RIMS1: variants seen among roughly 807,000 people sequenced by gnomAD.
RIMS1 encodes regulating synaptic membrane exocytosis 1, also known as regulating synaptic membrane exocytosis protein 1.
In RIMS1, 83 loss-of-function variants were observed where a neutral mutation model predicts 214.1. The observed-to-expected ratio is 0.39, with a 90% CI of 0.32 to 0.47. The LOEUF (loss-of-function observed/expected upper bound fraction) is 0.47. RIMS1 is among the 20% of genes least tolerant of loss of function. RIMS1 has a pLI of 0.99. For missense variants in RIMS1, 2,050 were observed against 2,161.8 expected, an observed-to-expected ratio of 0.95 and a Z score of 1.03; for synonymous variants, 793 against 786.8, an observed-to-expected ratio of 1.01 and a Z score of -0.13.
At chr6:72,178,526 GAGT>G (rs2048021179) in intron 4 of RIMS1, among the ~76,000 whole-genome samples, 1 of 152,186 alleles carries the variant, frequency 6.6e-6, no homozygotes, top group Non-Finnish European at 1.5e-5. Context: ...AGGAAGCCTA[GAGT>G]TTGGTAATTA....
intron 2 of RIMS1, among the ~76,000 whole-genome samples, chr6:72,021,806 G>A (rs1205250792): frequency 6.6e-6 from 1 of 152,092 alleles, no homozygotes; most frequent in Non-Finnish European, 1.5e-5. Flanking sequence ...GTGGCTGCTG[G>A]TATACAGATA....
intron 1 of RIMS1, among the ~76,000 whole-genome samples, chr6:71,956,795 C>T (rs1042636427): frequency 5.9e-5 from 9 of 152,076 alleles, no homozygotes; most frequent in Non-Finnish European, 1.2e-4. Context: ...CATCTCGTTG[C>T]GCGAATGAAT....
chr6:71,934,072 C>G (rs1783858660), intron 1 of RIMS1, among the ~76,000 whole-genome samples: 1 of 152,136 alleles, frequency 6.6e-6, no homozygotes, highest in South Asian at 2.1e-4. Context: ...TTTAAGTTCT[C>G]TCTCAACCCT....
At chr6:71,975,927 C>T (rs1416111388) in intron 2 of RIMS1, among the ~76,000 whole-genome samples, 1 of 152,010 alleles carries the variant, frequency 6.6e-6, no homozygotes, top group East Asian at 1.9e-4. Context: ...ATTGTATCGA[C>T]ATATCAGGTT....
chr6:72,182,466 A>G lies in RIMS1; in HGVS notation c.995A>G (p.Glu332Gly), dbSNP rs2048524148. The change falls in exon 6 of 34, where the codon GAA becomes GGA. Residue 332 changes from glutamate to glycine, a missense_variant. By Grantham distance (98) the Glu-to-Gly change is moderately conservative (BLOSUM62 -2). This residue lies in a region of RIMS1 where 882 missense variants were observed against 828.9 expected (regional missense o/e 1.06). Transcript: ENST00000521978. Reference protein sequence around the residue: ...GRSQDYPDTPEKRDEGKAADE... With the variant: ...GRSQDYPDTPGKRDEGKAADE... ...TCACAGGATTACCCAGACACGCCGG[A>G]AAAACGGGATGAGGGCAAAGCGGCG... The G allele has an allele frequency of 6.2e-7, 1 of 1,613,262 alleles. No individual in the cohort carries two copies. Among genetic ancestry groups the G allele is most frequent in the Non-Finnish European group, 8.5e-7 (1 of 1,179,634 alleles).
intron 6 of RIMS1, among the ~76,000 whole-genome samples, chr6:72,185,742 A>G (rs2049004688): frequency 1.3e-5 from 2 of 152,230 alleles, no homozygotes; most frequent in African/African-American, 2.4e-5. Context: ...TTAGAGAAAC[A>G]AAAAAGCAAA....
intron 2 of RIMS1, among the ~76,000 whole-genome samples, chr6:72,073,725 G>T (rs1831117859): frequency 1.3e-5 from 2 of 152,178 alleles, no homozygotes; most frequent in South Asian, 4.1e-4. Context: ...ACTCACTGAT[G>T]AGTGAGTGGC....
chr6:72,145,352 C>T lies in RIMS1; in HGVS notation c.472-34223C>T, dbSNP rs142090914. 6.6e-3 allele frequency among the ~76,000 whole-genome samples: 1,003 copies of T among 152,250 alleles called. 3 individuals are homozygous for T. The highest frequency in any genetic ancestry group is 0.011 in the South Asian group (54 of 4,822). On this transcript the variant is annotated intron_variant, in intron 4 of 33. Transcript: ENST00000521978. ...ATTTTTGGCCAGGTGTGTCGGCTCA[C>T]GCCTATAATCTCAGCACTTTGGGAG...
At chr6:72,037,428 G>T (rs1399255486) in intron 2 of RIMS1, among the ~76,000 whole-genome samples, 2 of 152,056 alleles carry the variant, frequency 1.3e-5, no homozygotes, top group African/African-American at 4.8e-5. Context: ...TAGGAAAAGA[G>T]CCCAAAGGGT....
intron 4 of RIMS1, among the ~76,000 whole-genome samples, chr6:72,175,808 T>C (rs942354507): frequency 2.6e-5 from 4 of 152,212 alleles, no homozygotes; most frequent in African/African-American, 9.7e-5. Context: ...TTTCTTCCAC[T>C]TGAATACCTT....
intron 4 of RIMS1, among the ~76,000 whole-genome samples, chr6:72,104,330 A>G (rs2153812617): frequency 6.6e-6 from 1 of 152,312 alleles, no homozygotes; most frequent in South Asian, 2.1e-4. Flanking sequence ...GGTGCATAAT[A>G]TATTTTCTCT....
intron 29 of RIMS1, among the ~76,000 whole-genome samples, chr6:72,370,773 G>A (rs1041038628): frequency 9.2e-5 from 14 of 152,112 alleles, no homozygotes; most frequent in East Asian, 1.9e-4. Context: ...GAAATTTGGG[G>A]AGTACTGGGG....
chr6:72,340,858 A>G (rs949694282), intron 29 of RIMS1, among the ~76,000 whole-genome samples: 2 of 152,056 alleles, frequency 1.3e-5, no homozygotes, highest in Non-Finnish European at 1.5e-5. Context: ...CATTGAATGT[A>G]TAAATTACCT....
intron 29 of RIMS1, among the ~76,000 whole-genome samples, chr6:72,365,085 G>C (rs1280286288): frequency 6.6e-6 from 1 of 152,250 alleles, no homozygotes; most frequent in Non-Finnish European, 1.5e-5. Context: ...TGTGTGGTTT[G>C]GTCTTTGCAC....
At chr6:71,965,582 G>A (rs1794208620) in intron 1 of RIMS1, among the ~76,000 whole-genome samples, 1 of 152,136 alleles carries the variant, frequency 6.6e-6, no homozygotes, top group South Asian at 2.1e-4. Context: ...CGCATTGATT[G>A]CAGTCATTCA....
At chr6:72,343,492 C>CTTTTTTTTTTTTTTTTTTTTTTTT (rs764125827) in intron 29 of RIMS1, among the ~76,000 whole-genome samples, 18 of 57,302 alleles carry the variant, frequency 3.1e-4, no homozygotes, top group African/African-American at 4.8e-4. Flanking sequence ...TCTTCTTCTT[C>CTTTTTTTTTTTTTTTTTTTTTTTT]TTTTTTTTTT....
At chr6:71,915,887 A>G (rs2150676491) in intron 1 of RIMS1, among the ~76,000 whole-genome samples, 1 of 152,192 alleles carries the variant, frequency 6.6e-6, no homozygotes, top group Non-Finnish European at 1.5e-5. Flanking sequence ...CATGTCTTAT[A>G]TGGCAGCAGT....
chr6:72,377,202 C>G (rs1293116508), intron 29 of RIMS1, among the ~76,000 whole-genome samples: 4 of 152,196 alleles, frequency 2.6e-5, no homozygotes, highest in African/African-American at 9.7e-5. Context: ...CCACCTTCTT[C>G]TGTTCCCAAA....
At chr6:72,108,833 A>G (rs988261761) in intron 4 of RIMS1, among the ~76,000 whole-genome samples, 1 of 144,766 alleles carries the variant, frequency 6.9e-6, no homozygotes, top group Non-Finnish European at 1.5e-5. Context: ...TATATCTCCT[A>G]AAGCTATCCC....
Sources: allele counts gnomAD v4.1 joint callset (sites outside exome capture counted in the v4.1 genomes callset), GRCh38; gene constraint gnomAD v4.1.1; regional missense constraint gnomAD v4.1.1; transcripts MANE v1.5; gene names NCBI Gene and HGNC (gene_info 2026-07-23, HGNC 2026-07-21).